AMD1: variants seen among roughly 807,000 people sequenced by gnomAD.
The protein encoded by AMD1 is S-adenosylmethionine decarboxylase proenzyme.
AMD1 carries 11 observed loss-of-function variants against 40.2 expected under a neutral mutation model. The observed-to-expected ratio is 0.27, with a 90% CI of 0.17 to 0.45. The LOEUF (loss-of-function observed/expected upper bound fraction) is 0.45, where lower values mean the gene tolerates loss of function less well. AMD1 is among the 20% of genes least tolerant of loss of function. The pLI is 1.00. For synonymous variants in AMD1, 121 were observed against 130.8 expected (o/e 0.93, Z 0.51); for missense variants, 257 against 410.2 (o/e 0.63, Z 3.23).
At chr6:110,846,097 G>A in the AMD1 span, among the ~76,000 whole-genome samples, 27 of 152,128 alleles carry the variant, frequency 1.8e-4, no homozygotes, top group African/African-American at 5.5e-4. Flanking sequence ...AAAATTAGCC[G>A]GTGTGGTGGT....
chr6:110,832,010 ATT>A, the AMD1 span, among the ~76,000 whole-genome samples: 2,673 of 128,162 alleles, frequency 0.021, 74 homozygotes, highest in African/African-American at 0.077. Flanking sequence ...TGCCTGGCTA[ATT>A]TTTTTTTTTT....
At chr6:110,887,694 T>C (rs1785771438) in intron 2 of AMD1, 103 bp downstream of exon 2, 1 of 867,796 alleles carries the variant, frequency 1.2e-6, no homozygotes, top group Non-Finnish European at 1.7e-6. Context: ...TTTTTTGTTT[T>C]GTTTTGTTTT....
At chr6:110,830,731 G>A in the AMD1 span, among the ~76,000 whole-genome samples, 2 of 152,226 alleles carry the variant, frequency 1.3e-5, no homozygotes, top group East Asian at 1.9e-4. Context: ...GCTTGCCCTC[G>A]AATTCTTTCC....
rs1244401560 is a variant in AMD1, at chr6:110,874,986, A to AT, written c.-120_-119insT. 3.0e-6 allele frequency: 2 copies of AT among 664,496 alleles called. No individual in the cohort carries two copies. The highest frequency in any genetic ancestry group is 5.0e-6 in the Non-Finnish European group (2 of 399,078). The allele number at this position is 664,496 out of a possible 1,614,324, so 41.2% of individuals were successfully genotyped here. Reference sequence around the variant, plus strand: ...ATATAAAATTATAGCAAAAAAAAAAAGGAACCTGAACTTTAGTAACACAGC... The same window carrying AT: ...ATATAAAATTATAGCAAAAAAAAAAATGGAACCTGAACTTTAGTAACACAGC... On this transcript the variant is annotated 5_prime_UTR_variant, in exon 1 of 9. It adds an upstream start codon to the 5' untranslated region. Coordinates refer to ENST00000368885, the MANE Select transcript of AMD1 (RefSeq NM_001634.6).
At chr6:110,818,430 G>T in the AMD1 span, among the ~76,000 whole-genome samples, 1 of 152,144 alleles carries the variant, frequency 6.6e-6, no homozygotes, top group Non-Finnish European at 1.5e-5. Context: ...CAGCATTATT[G>T]GATTAATTTG....
the AMD1 span, among the ~76,000 whole-genome samples, chr6:110,861,032 T>TG: frequency 7.2e-5 from 11 of 151,950 alleles, no homozygotes; most frequent in East Asian, 2.1e-3. Flanking sequence ...TCATGCAACA[T>TG]GGTGAAACCC....
the AMD1 span, among the ~76,000 whole-genome samples, chr6:110,866,756 A>C: frequency 6.6e-6 from 1 of 151,580 alleles, no homozygotes; most frequent in Non-Finnish European, 1.5e-5. Flanking sequence ...AGACTTTGAG[A>C]CTTCCTCAGT....
Position 110,875,025 on chromosome 6 carries a change from A to G in AMD1, c.-81A>G. 9.2e-7 allele frequency: 1 copy of G among 1,081,300 alleles called. No homozygotes were observed. The highest frequency in any genetic ancestry group is 1.4e-6 in the Non-Finnish European group (1 of 723,142). 67.0% of individuals were successfully genotyped at this position (1,081,300 alleles called of 1,614,324 possible). A position where few individuals can be genotyped will look rare whatever the true frequency, so the allele number is the denominator to read the frequency against. On this transcript the variant is annotated 5_prime_UTR_variant, in exon 1 of 9. Coordinates refer to ENST00000368885, the MANE Select transcript of AMD1 (RefSeq NM_001634.6). The stretch of plus-strand genomic sequence containing the variant: ...TAGTAACACAGCTGGAACAATCCGC[A>G]GCGGCGGCGGCAGCGGCGGGAGAAG...
At chr6:110,852,002 C>G in the AMD1 span, among the ~76,000 whole-genome samples, 1 of 150,942 alleles carries the variant, frequency 6.6e-6, no homozygotes, top group Admixed American at 6.6e-5. Flanking sequence ...AAATCAAGAG[C>G]TTTGGTTTAA....
chr6:110,893,458 T>C lies in AMD1; in HGVS notation c.865-18T>C. On this transcript the variant is annotated intron_variant, in intron 8 of 8. Transcript: ENST00000368885. The stretch of plus-strand genomic sequence containing the variant: ...TCTGGATTGCAAACACTAACGGTTA[T>C]TTAATTTTTTCCCCCAGAGTTCTAA... The C allele has an allele frequency of 6.2e-7, 1 of 1,612,230 alleles. No homozygotes were observed. Among genetic ancestry groups the C allele is most frequent in the African/African-American group, 1.3e-5 (1 of 74,976 alleles).
the AMD1 span, among the ~76,000 whole-genome samples, chr6:110,852,514 C>A: frequency 6.6e-6 from 1 of 152,132 alleles, no homozygotes; most frequent in Non-Finnish European, 1.5e-5. Context: ...GCCACTGCAC[C>A]TGGCCCATAA....
In AMD1 at chr6:110,887,601, G is replaced by A. The variant is rs1233731729; in HGVS notation, c.197+10G>A. 3 of 1,581,238 alleles carry A rather than the reference G, an allele frequency of 1.9e-6. No individual in the cohort carries two copies. The highest frequency in any genetic ancestry group is 1.7e-6 in the Non-Finnish European group (2 of 1,163,584). On this transcript the variant is annotated intron_variant, in intron 2 of 8. Coordinates refer to ENST00000368885, the MANE Select transcript of AMD1 (RefSeq NM_001634.6). Reference sequence around the variant, plus strand: ...AAGCTTATGTACTCAGGTAAGTCCTGTAAAACAAGTGTTAGGTAGCTAATT... The same window carrying A: ...AAGCTTATGTACTCAGGTAAGTCCTATAAAACAAGTGTTAGGTAGCTAATT...
chr6:110,872,004 CTT>C (rs1290411115), upstream of AMD1, among the ~76,000 whole-genome samples: 4 of 152,206 alleles, frequency 2.6e-5, no homozygotes, highest in South Asian at 8.3e-4. Flanking sequence ...AGCCTGGAGA[CTT>C]TTTTCTAGAA....
the AMD1 span, among the ~76,000 whole-genome samples, chr6:110,829,254 G>A: frequency 6.6e-6 from 1 of 151,800 alleles, no homozygotes; most frequent in Admixed American, 6.6e-5. Flanking sequence ...ATTTTCGGCT[G>A]AGTGCAGTGG....
At position 110,893,367 on chromosome 6, in the gene AMD1, A is replaced by T. The variant is rs944615742; in HGVS notation, c.865-109A>T. ...AGCACATAAGAAGGCAGCTAAAATA[A>T]CTCAGATGTCTTAGTTTCATTAAGA... On this transcript the variant is annotated intron_variant, in intron 8 of 8. Transcript: ENST00000368885. The T allele has an allele frequency of 3.5e-6, 5 of 1,441,282 alleles. No individual in the cohort carries two copies. The African/African-American group carries it at 7.1e-5, about 21-fold the overall frequency. 89.3% of individuals were successfully genotyped at this position (1,441,282 alleles called of 1,614,324 possible).
the AMD1 span, among the ~76,000 whole-genome samples, chr6:110,833,371 G>T: frequency 6.6e-6 from 1 of 151,916 alleles, no homozygotes; most frequent in South Asian, 2.1e-4. Flanking sequence ...AATACATCCA[G>T]AAAAATTAAA....
chr6:110,875,363 C>A, intron 1 of AMD1, 148 bp downstream of exon 1: 1 of 684,488 alleles, frequency 1.5e-6, no homozygotes, highest in Non-Finnish European at 2.5e-6. Flanking sequence ...TTGGAAGGTG[C>A]GCGGTTTGGG....
At chr6:110,857,770 G>GTGTA in the AMD1 span, among the ~76,000 whole-genome samples, 2 of 142,142 alleles carry the variant, frequency 1.4e-5, no homozygotes, top group East Asian at 2.0e-4. Context: ...TAGATGGTGT[G>GTGTA]TATATATATA....
intron 2 of AMD1, 37 bp downstream of exon 2, chr6:110,887,628 C>A: frequency 7.2e-7 from 1 of 1,379,892 alleles, no homozygotes; most frequent in Non-Finnish European, 1.0e-6. Flanking sequence ...TAGCTAATTT[C>A]AGTCCTAATC....
Sources: gnomAD v4.1 joint callset for allele counts (sites outside exome capture counted in the v4.1 genomes callset) on GRCh38, gnomAD v4.1.1 for gene constraint, MANE v1.5 for transcripts, NCBI Gene and HGNC (gene_info 2026-07-23, HGNC 2026-07-21) for gene names.